PTPN2: variants seen among roughly 807,000 people sequenced by gnomAD.
PTPN2 encodes the protein tyrosine-protein phosphatase non-receptor type 2.
Under a neutral mutation model 57.3 loss-of-function variants are expected in PTPN2, and 19 were observed. That is an observed-to-expected ratio of 0.33 (90% CI 0.23 to 0.49). The LOEUF (loss-of-function observed/expected upper bound fraction) is 0.49, where lower values mean the gene tolerates loss of function less well. PTPN2 is among the 20% of genes least tolerant of loss of function. The probability of loss-of-function intolerance (pLI) is 0.99; values close to 1 mark genes in which losing one functional copy is unlikely to be tolerated. For missense variants in PTPN2, 358 were observed against 501.1 expected (o/e 0.71, Z 2.73); for synonymous variants, 153 against 164.9 (o/e 0.93, Z 0.55).
chr18:12,850,012 G>C (rs1214527483), intron 2 of PTPN2, among the ~76,000 whole-genome samples: 1 of 151,988 alleles, frequency 6.6e-6, no homozygotes, highest in Non-Finnish European at 1.5e-5. Context: ...GATTGATCGT[G>C]CTCGATCTTG....
chr18:12,844,495 C>T (rs747155817), intron 2 of PTPN2, among the ~76,000 whole-genome samples: 1 of 152,176 alleles, frequency 6.6e-6, no homozygotes, highest in Non-Finnish European at 1.5e-5. Flanking sequence ...ATCCCACCAC[C>T]ATGATTTTAA....
At chr18:12,818,056 T>C (rs921235004) in intron 5 of PTPN2, among the ~76,000 whole-genome samples, 2 of 152,078 alleles carry the variant, frequency 1.3e-5, no homozygotes, top group Non-Finnish European at 2.9e-5. Context: ...GCAGGAGAAT[T>C]GCTTGAACCT....
Position 12,879,824 on chromosome 18 carries a change from T to C in PTPN2, c.69+4249A>G, listed in dbSNP as rs538276000. Among the ~76,000 whole-genome samples the C allele has an allele frequency of 8.5e-5, 13 of 152,340 alleles. No homozygotes were observed. In the South Asian group the frequency reaches 2.1e-3, roughly 24 times the overall value. ...TCAGTTTTTGCTCAAGAGCAAAGCC[T>C]TTCTTTTCCCAGCTCCATGAGCATT... On this transcript the variant is annotated intron_variant, in intron 1 of 8. Transcript: ENST00000309660.
chr18:12,808,275 TTTCAA>T (rs1433244752), intron 7 of PTPN2, among the ~76,000 whole-genome samples: 1 of 151,910 alleles, frequency 6.6e-6, no homozygotes, highest in Non-Finnish European at 1.5e-5. Context: ...CTTATATATA[TTTCAA>T]GTACTATGAA....
intron 2 of PTPN2, among the ~76,000 whole-genome samples, chr18:12,837,126 T>C (rs75074594): frequency 0.014 from 2,130 of 152,288 alleles, 26 homozygotes; most frequent in Non-Finnish European, 0.023. Context: ...TGTAGCACAT[T>C]AGCCATTGTG....
At chr18:12,816,194 G>A (rs2145312378) in intron 6 of PTPN2, among the ~76,000 whole-genome samples, 1 of 152,248 alleles carries the variant, frequency 6.6e-6, no homozygotes, top group African/African-American at 2.4e-5. Flanking sequence ...CAGCTACTTG[G>A]GAGGCTGAGG....
At chr18:12,799,187 G>C (rs1027341144) in intron 8 of PTPN2, among the ~76,000 whole-genome samples, 16 of 152,096 alleles carry the variant, frequency 1.1e-4, no homozygotes, top group Non-Finnish European at 2.2e-4. Flanking sequence ...GGGAGGCTGA[G>C]GCGGGAGGAT....
intron 2 of PTPN2, among the ~76,000 whole-genome samples, chr18:12,840,185 C>T (rs1013386896): frequency 1.3e-5 from 2 of 152,148 alleles, no homozygotes; most frequent in Non-Finnish European, 2.9e-5. Context: ...TTTAGATTTT[C>T]CCATTCTCAA....
chr18:12,834,692 G>T (rs929017714), intron 3 of PTPN2, among the ~76,000 whole-genome samples: 1 of 151,544 alleles, frequency 6.6e-6, no homozygotes, highest in Non-Finnish European at 1.5e-5. Flanking sequence ...GAAAACCATG[G>T]TCTTAAAGGG....
chr18:12,875,864 C>T (rs1328136751), intron 1 of PTPN2, among the ~76,000 whole-genome samples: 1 of 152,114 alleles, frequency 6.6e-6, no homozygotes, highest in Non-Finnish European at 1.5e-5. Context: ...TAACAGTTCT[C>T]CAACTGGGAA....
At chr18:12,818,474 A>G (rs754476004) in intron 5 of PTPN2, among the ~76,000 whole-genome samples, 75 of 152,176 alleles carry the variant, frequency 4.9e-4, no homozygotes, top group Non-Finnish European at 9.1e-4. Context: ...GGTATTCACT[A>G]TCGCTTCCTG....
intron 4 of PTPN2, among the ~76,000 whole-genome samples, chr18:12,827,783 C>G (rs980524776): frequency 1.3e-5 from 2 of 151,960 alleles, no homozygotes; most frequent in Admixed American, 6.6e-5. Flanking sequence ...GAAAATCCAA[C>G]ATACGTATAA....
intron 5 of PTPN2, among the ~76,000 whole-genome samples, chr18:12,824,880 G>A (rs1008709301): frequency 2.6e-5 from 4 of 152,090 alleles, no homozygotes; most frequent in African/African-American, 9.7e-5. Flanking sequence ...GAGCTCAGGA[G>A]TTTGAGACCA....
chr18:12,840,247 T>A (rs533144041), intron 2 of PTPN2, among the ~76,000 whole-genome samples: 11 of 152,308 alleles, frequency 7.2e-5, no homozygotes, highest in Non-Finnish European at 1.3e-4. Context: ...ACTCAAAGCA[T>A]TTTCTAGATT....
intron 8 of PTPN2, among the ~76,000 whole-genome samples, chr18:12,800,782 C>G (rs2041389693): frequency 6.6e-6 from 1 of 152,094 alleles, no homozygotes; most frequent in Admixed American, 6.6e-5. Context: ...AAAAGTTATT[C>G]AGAGATGCAG....
At chr18:12,867,025 C>CA (rs2044017863) in intron 1 of PTPN2, among the ~76,000 whole-genome samples, 1 of 125,564 alleles carries the variant, frequency 8.0e-6, no homozygotes. Flanking sequence ...AAAAAACAAA[C>CA]AAACAAAAAA....
rs1457235029 is a variant in PTPN2, at chr18:12,884,073, C to G, written c.69G>C (p.Leu23Phe). The change falls in exon 1 of 9, where the codon TTG becomes TTC. Residue 23 changes from leucine to phenylalanine, a missense_variant and splice_region_variant. Physicochemically the swap from Leu to Phe is conservative, Grantham distance 22 (BLOSUM62 0). Transcript: ENST00000309660. ...ACTGCCGCGTGGGTCCGCGACTCAC[C>G]AAGTACAGCGGCTGCCAGCGACGCT... ...DTQRRWQPLY[L>F]EIRNESHDYP... 6.3e-7 allele frequency: 1 copy of G among 1,576,040 alleles called. No individual in the cohort carries two copies. Among genetic ancestry groups the G allele is most frequent in the Admixed American group, 1.8e-5 (1 of 54,846 alleles).
At chr18:12,862,097 T>A (rs1477739189) in intron 1 of PTPN2, 2 of 151,726 alleles carry the variant, frequency 1.3e-5, no homozygotes, top group East Asian at 3.9e-4. Flanking sequence ...AACCAATATT[T>A]CAAAAAGCAG....
intron 7 of PTPN2, among the ~76,000 whole-genome samples, chr18:12,809,225 T>C (rs1466169763): frequency 1.3e-5 from 2 of 152,148 alleles, no homozygotes; most frequent in African/African-American, 4.8e-5. Flanking sequence ...TGAAAGAGGA[T>C]GTCATCATCT....
Sources: gnomAD v4.1 joint callset for allele counts (sites outside exome capture counted in the v4.1 genomes callset) on GRCh38, gnomAD v4.1.1 for gene constraint, MANE v1.5 for transcripts, NCBI Gene and HGNC (gene_info 2026-07-23, HGNC 2026-07-21) for gene names.